Variants in FCHSD1 observed in about 807,000 individuals in gnomAD.
FCHSD1 encodes the protein FCH and double SH3 domains 1.
In FCHSD1, 109 loss-of-function variants were observed where a neutral mutation model predicts 101.3. The observed-to-expected ratio is 1.08, with a 90% CI of 0.92 to 1.26. The LOEUF (loss-of-function observed/expected upper bound fraction) is 1.26, where lower values mean the gene tolerates loss of function less well. Among genes scored for constraint, FCHSD1 ranks in the 50% most tolerant of loss-of-function variants. The pLI is 0.00. For synonymous variants in FCHSD1, 291 were observed against 356.8 expected (o/e 0.82, Z 2.08); for missense variants, 820 against 895.8 (o/e 0.92, Z 1.08).
In FCHSD1 at chr5:141,648,971, TCTGGAGA is replaced by T; in HGVS notation, c.555_561del (p.Ser185ArgfsTer3). ...ATCCCTCGAACCTTGGTGCTCAGTT[TCTGGAGA>T]CTGGTCCGAGAGTGGAAGATCCCAT... is the stretch of plus-strand genomic sequence containing the variant. On this transcript the variant is annotated frameshift_variant, in exon 7 of 20. Transcript: ENST00000435817. LOFTEE classifies it high-confidence loss of function. The T allele has an allele frequency of 6.2e-7, 1 of 1,613,970 alleles. No homozygotes were observed. Among genetic ancestry groups the T allele is most frequent in the Non-Finnish European group, 8.5e-7 (1 of 1,179,898 alleles).
In FCHSD1 at chr5:141,639,744, G is replaced by T; in HGVS notation, c.*1754C>A. Reference sequence around the variant, plus strand: ...AGTGGGCCTTGGCTCTTTCCTCCTGGACTGGGAGCTCCGGCAGAAGTCAGG... The same window carrying T: ...AGTGGGCCTTGGCTCTTTCCTCCTGTACTGGGAGCTCCGGCAGAAGTCAGG... On this transcript the variant is annotated 3_prime_UTR_variant, in exon 20 of 20. Coordinates refer to ENST00000435817, the MANE Select transcript of FCHSD1 (RefSeq NM_033449.3). The surrounding 1 kb of genome is among the most constrained non-coding windows in gnomAD (Gnocchi z 4.4). 1 of 1,361,144 alleles carries T rather than the reference G, an allele frequency of 7.3e-7. No homozygotes were observed. Among genetic ancestry groups the T allele is most frequent in the South Asian group, 1.3e-5 (1 of 75,220 alleles). 84.3% of individuals were successfully genotyped at this position (1,361,144 alleles called of 1,614,324 possible).
intron 17 of FCHSD1, 28 bp downstream of exon 17, chr5:141,644,190 G>T: frequency 6.3e-7 from 1 of 1,584,448 alleles, no homozygotes; most frequent in Non-Finnish European, 8.6e-7. Flanking sequence ...GAGGTGCCTG[G>T]GGAGTTCAGG....
intron 2 of FCHSD1, 143 bp downstream of exon 2, chr5:141,650,877 A>G: frequency 1.4e-6 from 1 of 731,126 alleles, no homozygotes; most frequent in Non-Finnish European, 2.3e-6. Context: ...GTATCTGGAG[A>G]GGCCAGGCCT....
intron 13 of FCHSD1, 124 bp from the exon 14 acceptor site, chr5:141,645,272 C>T: frequency 7.5e-7 from 1 of 1,334,520 alleles, no homozygotes; most frequent in South Asian, 1.5e-5. Flanking sequence ...CCCATCCACT[C>T]ACCATGTACA....
intron 8 of FCHSD1, 51 bp downstream of exon 8, chr5:141,647,917 T>A: frequency 6.3e-7 from 1 of 1,592,420 alleles, no homozygotes; most frequent in Non-Finnish European, 8.6e-7. Flanking sequence ...CAGGGGGAGG[T>A]CCTCCTTTCC....
chr5:141,649,771 C>A lies in FCHSD1; in HGVS notation c.233+116G>T. ...CTCCTCTGCTGCTGCTGTGTCAGCT[C>A]TACCTACAGCTCACGTGCCTTCCCC... On this transcript the variant is annotated intron_variant, in intron 4 of 19. Coordinates refer to ENST00000435817, the MANE Select transcript of FCHSD1 (RefSeq NM_033449.3). The surrounding 1 kb of genome is among the most constrained non-coding windows in gnomAD (Gnocchi z 4.1). The A allele has an allele frequency of 1.5e-6, 2 of 1,295,898 alleles. No homozygotes were observed. Among genetic ancestry groups the A allele is most frequent in the East Asian group, 2.5e-5 (1 of 39,432 alleles). The allele number at this position is 1,295,898 out of a possible 1,614,324, so 80.3% of individuals were successfully genotyped here. A position where few individuals can be genotyped will look rare whatever the true frequency, so the allele number is the denominator to read the frequency against.
chr5:141,644,490 G>A (rs189227297), intron 16 of FCHSD1, 52 bp from the exon 17 acceptor site: 2 of 1,607,878 alleles, frequency 1.2e-6, no homozygotes, highest in East Asian at 4.5e-5. Flanking sequence ...CAGTGCCCCA[G>A]GACCATGACA....
At position 141,640,632 on chromosome 5, in the gene FCHSD1, G is replaced by C. The variant is rs1044423092; in HGVS notation, c.*866C>G. 16 of 1,538,762 alleles carry C rather than the reference G, an allele frequency of 1.0e-5. No homozygotes were observed. The highest frequency in any genetic ancestry group is 1.4e-5 in the Non-Finnish European group (16 of 1,145,596). On this transcript the variant is annotated 3_prime_UTR_variant, in exon 20 of 20. Coordinates refer to ENST00000435817, the MANE Select transcript of FCHSD1 (RefSeq NM_033449.3). ...CCAGGGGAAAAGCTGGACACAGCTTGAACAGGAAGCAACAGTGTTATTCTT... is the reference window on the plus strand; with the variant it reads ...CCAGGGGAAAAGCTGGACACAGCTTCAACAGGAAGCAACAGTGTTATTCTT...
chr5:141,644,635 G>T lies in FCHSD1; in HGVS notation c.1580C>A (p.Pro527Gln). Residue 527 changes from proline (P) to glutamine (Q), a missense_variant, in exon 16 of 20, where the codon CCG becomes CAG. Transcript: ENST00000435817. ...GFVPERYLNF[P>Q]DLSLPESSQD... ...GCTGCTCTCTGGGAGGGAGAGGTCC[G>T]GGAAGTTGAGATATCGCTCAGGGAC... is the stretch of plus-strand genomic sequence containing the variant. The T allele has an allele frequency of 6.2e-7, 1 of 1,613,932 alleles. No individual in the cohort carries two copies. The highest frequency in any genetic ancestry group is 8.5e-7 in the Non-Finnish European group (1 of 1,179,854).
At chr5:141,646,212 C>T (rs2099907634) in intron 11 of FCHSD1, 21 bp from the exon 12 acceptor site, 1 of 1,578,502 alleles carries the variant, frequency 6.3e-7, no homozygotes, top group Non-Finnish European at 8.6e-7. Flanking sequence ...AGGCAGAGAA[C>T]AGGGGTGGGT....
In FCHSD1 at chr5:141,648,990, G is replaced by A. The variant is rs755006468; in HGVS notation, c.543C>T (p.His181=). 6.2e-7 allele frequency: 1 copy of A among 1,613,972 alleles called. No homozygotes were observed. Among genetic ancestry groups the A allele is most frequent in the Non-Finnish European group, 8.5e-7 (1 of 1,179,882 alleles). The change falls in exon 7 of 20, where the codon CAC becomes CAT. Residue 181 remains histidine, a synonymous_variant. Coordinates refer to ENST00000435817, the MANE Select transcript of FCHSD1 (RefSeq NM_033449.3). ...RLNRSDHGIF[H]SRTSLQKLST... is the part of the protein sequence containing the mutation. Reference sequence around the variant, plus strand: ...TCAGTTTCTGGAGACTGGTCCGAGAGTGGAAGATCCCATGGTCACTTCGGT... The same window carrying A: ...TCAGTTTCTGGAGACTGGTCCGAGAATGGAAGATCCCATGGTCACTTCGGT...
chr5:141,642,730 ACT>A (rs2099907095), intron 18 of FCHSD1: 1 of 542,126 alleles, frequency 1.8e-6, no homozygotes, highest in Non-Finnish European at 3.2e-6. Flanking sequence ...ATCTTTTTTA[ACT>A]CTCATAAGAA....
chr5:141,650,051 T>A lies in FCHSD1; in HGVS notation c.166-97A>T, dbSNP rs995063883. The A allele has an allele frequency of 4.7e-6, 6 of 1,288,726 alleles. No individual in the cohort carries two copies. In the Admixed American group the frequency reaches 1.4e-4, roughly 30 times the overall value. The allele number at this position is 1,288,726 out of a possible 1,614,324, so 79.8% of individuals were successfully genotyped here. A position where few individuals can be genotyped will look rare whatever the true frequency, so the allele number is the denominator to read the frequency against. On this transcript the variant is annotated intron_variant, in intron 3 of 19. Coordinates refer to ENST00000435817, the MANE Select transcript of FCHSD1 (RefSeq NM_033449.3). ...GAGTATAATCATACCATTCTTTGGG[T>A]ACATTATGTGCCACTTGCTTTGCTA...
At chr5:141,647,019 A>AC in intron 10 of FCHSD1, 116 bp downstream of exon 10, 1 of 1,058,196 alleles carries the variant, frequency 9.5e-7, no homozygotes, top group Non-Finnish European at 1.4e-6. Flanking sequence ...GAGTTCTGAA[A>AC]CCCCCTCTCC....
chr5:141,650,508 G>T, intron 2 of FCHSD1, 104 bp from the exon 3 acceptor site: 1 of 1,366,448 alleles, frequency 7.3e-7, no homozygotes, highest in Non-Finnish European at 1.0e-6. Context: ...GCGGTTGGGG[G>T]GAGCCAGGTT....
chr5:141,642,414 C>G (rs1483232454), intron 18 of FCHSD1: 2 of 693,922 alleles, frequency 2.9e-6, no homozygotes, highest in South Asian at 3.0e-5. Flanking sequence ...GTACAATGTT[C>G]ACTATTTGAG....
In FCHSD1 at chr5:141,639,379, A is replaced by C; in HGVS notation, c.*2119T>G. ...GGGAAATTGGGGCTTCTGGGGTTTT[A>C]AGGAGCATGCTGAAAGAACGTAAGA... On this transcript the variant is annotated 3_prime_UTR_variant, in exon 20 of 20. Coordinates refer to ENST00000435817, the MANE Select transcript of FCHSD1 (RefSeq NM_033449.3). This position sits in a 1 kb window ranked among gnomAD's most constrained non-coding sequence, Gnocchi z 4.4. 8.5e-7 allele frequency: 1 copy of C among 1,170,184 alleles called. No homozygotes were observed. Among genetic ancestry groups the C allele is most frequent in the Non-Finnish European group, 1.2e-6 (1 of 827,434 alleles). The allele number at this position is 1,170,184 out of a possible 1,614,324, so 72.5% of individuals were successfully genotyped here.
At chr5:141,642,240 AACTC>A (rs2099907007) in intron 18 of FCHSD1, 1 of 552,708 alleles carries the variant, frequency 1.8e-6, no homozygotes. Flanking sequence ...TAAGTGAACT[AACTC>A]AGAAACAGAA....
chr5:141,646,257 G>T, intron 11 of FCHSD1, 66 bp from the exon 12 acceptor site: 3 of 1,376,698 alleles, frequency 2.2e-6, no homozygotes, highest in Non-Finnish European at 2.0e-6. Context: ...CTATGGGACT[G>T]GTACTTTGCT....
Sources: gnomAD v4.1 joint callset for allele counts on GRCh38, gnomAD v4.1.1 for gene constraint, Gnocchi (gnomAD v3.1) non-coding constraint, MANE v1.5 for transcripts, NCBI Gene and HGNC (gene_info 2026-07-23, HGNC 2026-07-21) for gene names.